The following BNC2 variants were observed in gnomAD, a reference collection of about 807,000 sequenced individuals.
BNC2 encodes basonuclin zinc finger protein 2.
In BNC2, 20 loss-of-function variants were observed where a neutral mutation model predicts 76.3. That is an observed-to-expected ratio of 0.26 (90% CI 0.18 to 0.38). The LOEUF (loss-of-function observed/expected upper bound fraction) is 0.38, where lower values mean the gene tolerates loss of function less well. BNC2 is among the 10% of genes least tolerant of loss of function. The pLI, the probability that BNC2 is intolerant of heterozygous loss-of-function variation, is 1.00. For synonymous variants in BNC2, 582 were observed against 514.8 expected (o/e 1.13, Z -1.77); for missense variants, 1,382 against 1,399.8 (o/e 0.99, Z 0.20).
At chr9:16,767,406 G>A (rs1421493888) in intron 1 of BNC2, among the ~76,000 whole-genome samples, 2 of 152,202 alleles carry the variant, frequency 1.3e-5, no homozygotes, top group Non-Finnish European at 2.9e-5. Flanking sequence ...GGCCCCTAAG[G>A]GCGGTACATG....
In BNC2 at chr9:16,436,473, C is replaced by T. The variant is rs755581101; in HGVS notation, c.1721G>A (p.Arg574Lys). 6.2e-7 allele frequency: 1 copy of T among 1,614,038 alleles called. No individual in the cohort carries two copies. The highest frequency in any genetic ancestry group is 1.7e-5 in the Admixed American group (1 of 60,000). The change falls in exon 6 of 7, where the codon AGA becomes AAA. Residue 574 changes from arginine (R) to lysine (K), a missense_variant. This residue lies in a region of BNC2 where 798 missense variants were observed against 775.5 expected (regional missense o/e 1.03). Transcript: ENST00000380672. ...CATTTCCCCTGGAGTGAGTAAACTTCTATAAAATGGAGGAACTGGTTGTAC... is the reference window on the plus strand; with the variant it reads ...CATTTCCCCTGGAGTGAGTAAACTTTTATAAAATGGAGGAACTGGTTGTAC... ...KTVQPVPPFY[R>K]SLLTPGEMVS...
At chr9:16,757,622 T>A in intron 1 of BNC2, among the ~76,000 whole-genome samples, 1 of 145,086 alleles carries the variant, frequency 6.9e-6, no homozygotes, top group East Asian at 2.1e-4. Flanking sequence ...TAACAATAGC[T>A]AATGAAAATG....
chr9:16,712,863 G>A (rs1014169095), intron 3 of BNC2, among the ~76,000 whole-genome samples: 8 of 152,128 alleles, frequency 5.3e-5, no homozygotes, highest in Non-Finnish European at 8.8e-5. Context: ...ATAGCTTTAG[G>A]GTGACCTTTG....
chr9:16,612,499 T>C (rs1820577185), intron 3 of BNC2, among the ~76,000 whole-genome samples: 1 of 152,238 alleles, frequency 6.6e-6, no homozygotes, highest in South Asian at 2.1e-4. Context: ...AAATACAAAA[T>C]ATTATATGAC....
intron 2 of BNC2, among the ~76,000 whole-genome samples, chr9:16,737,404 C>T (rs1425624600): frequency 6.6e-6 from 1 of 151,894 alleles, no homozygotes; most frequent in African/African-American, 2.4e-5. Context: ...GCGCCCGCCA[C>T]CACGCCCGGC....
At chr9:16,741,902 G>A (rs1487456355) in intron 1 of BNC2, among the ~76,000 whole-genome samples, 19 of 140,458 alleles carry the variant, frequency 1.4e-4, no homozygotes, top group African/African-American at 4.6e-4. Context: ...AGGTTGCAGT[G>A]AGCTGAGATC....
chr9:16,839,115 A>G (rs1290641765), intron 1 of BNC2, among the ~76,000 whole-genome samples: 1 of 152,266 alleles, frequency 6.6e-6, no homozygotes, highest in Non-Finnish European at 1.5e-5. Context: ...TAGTGGATTA[A>G]ACTGTTAACA....
chr9:16,537,871 T>C (rs1264637050), intron 5 of BNC2, among the ~76,000 whole-genome samples: 1 of 152,192 alleles, frequency 6.6e-6, no homozygotes, highest in Non-Finnish European at 1.5e-5. Context: ...CCCTATACTA[T>C]AGCATTCTTT....
At chr9:16,573,206 A>G (rs1228318253) in intron 4 of BNC2, among the ~76,000 whole-genome samples, 5 of 145,936 alleles carry the variant, frequency 3.4e-5, no homozygotes, top group Non-Finnish European at 6.0e-5. Flanking sequence ...TGGGTGACAG[A>G]GCAAGACCCT....
chr9:16,600,919 T>C (rs1820227318), intron 3 of BNC2, among the ~76,000 whole-genome samples: 1 of 152,204 alleles, frequency 6.6e-6, no homozygotes, highest in Admixed American at 6.5e-5. Context: ...AAATGTAAAA[T>C]ATGTGCTAAT....
At chr9:16,859,277 T>C (rs1563974623) in intron 1 of BNC2, among the ~76,000 whole-genome samples, 2 of 152,180 alleles carry the variant, frequency 1.3e-5, no homozygotes, top group East Asian at 1.9e-4. Flanking sequence ...GCTGCCCTTA[T>C]AGAAAACAGT....
chr9:16,460,634 CA>C (rs1400210393), intron 5 of BNC2, among the ~76,000 whole-genome samples: 1 of 151,872 alleles, frequency 6.6e-6, no homozygotes, highest in African/African-American at 2.4e-5. Flanking sequence ...AAACCCAAAC[CA>C]AAACAAAATA....
chr9:16,738,544 T>G, intron 1 of BNC2, 59 bp from the exon 2 acceptor site: 1 of 1,516,520 alleles, frequency 6.6e-7, no homozygotes, highest in South Asian at 1.2e-5. Context: ...TTAAAAGCAT[T>G]GAGTACATCA....
At chr9:16,870,218 T>G (rs960736555) in intron 1 of BNC2, among the ~76,000 whole-genome samples, 1 of 151,928 alleles carries the variant, frequency 6.6e-6, no homozygotes, top group African/African-American at 2.4e-5. Context: ...AAAGTTCCCG[T>G]AGGTCCCAGC....
chr9:16,859,695 G>C (rs192443396), intron 1 of BNC2, among the ~76,000 whole-genome samples: 1 of 152,312 alleles, frequency 6.6e-6, no homozygotes, highest in East Asian at 1.9e-4. Flanking sequence ...TGGTTTCCCA[G>C]GGCTGGGAGG....
At chr9:16,761,995 G>A (rs938657274) in intron 1 of BNC2, among the ~76,000 whole-genome samples, 1 of 152,298 alleles carries the variant, frequency 6.6e-6, no homozygotes, top group Non-Finnish European at 1.5e-5. Context: ...ATGGAAAGTA[G>A]CAAAACTTTT....
intron 3 of BNC2, among the ~76,000 whole-genome samples, chr9:16,712,171 T>G (rs1376668389): frequency 6.6e-6 from 1 of 152,190 alleles, no homozygotes; most frequent in Admixed American, 6.5e-5. Context: ...CAAAACTATG[T>G]CAAGTATAGC....
At chr9:16,421,668 G>C (rs893602615) in intron 6 of BNC2, among the ~76,000 whole-genome samples, 1 of 152,138 alleles carries the variant, frequency 6.6e-6, no homozygotes, top group Admixed American at 6.5e-5. Context: ...CCGTTTCCTT[G>C]GTGTCAGATG....
At position 16,552,702 on chromosome 9, in the gene BNC2, T is replaced by G. The variant is rs946979752; in HGVS notation, c.497A>C (p.Asn166Thr). ...CAGGCTGCTGATGTCAAACACGACG[T>G]TGGACTGCACAATCTCCACTTGGGT... ...HPTQVEIVQS[N>T]VVFDISSLML... Residue 166 changes from asparagine (N) to threonine (T), a missense_variant, in exon 5 of 7, where the codon AAC becomes ACC. By Grantham distance (65) the Asn-to-Thr change is moderately conservative. Transcript: ENST00000380672. 6.2e-7 allele frequency: 1 copy of G among 1,614,078 alleles called. No individual in the cohort carries two copies. The highest frequency in any genetic ancestry group is 1.7e-5 in the Admixed American group (1 of 60,004).
Sources: gnomAD v4.1 joint callset for allele counts (sites outside exome capture counted in the v4.1 genomes callset) on GRCh38, gnomAD v4.1.1 for gene constraint, gnomAD v4.1.1 regional missense constraint, MANE v1.5 for transcripts, NCBI Gene and HGNC (gene_info 2026-07-23, HGNC 2026-07-21) for gene names.